Variants in PHRF1 observed in about 807,000 individuals in gnomAD.
PHRF1 encodes PHD and ring finger domains 1.
PHRF1 carries 53 observed loss-of-function variants against 128.9 expected under a neutral mutation model. The observed-to-expected ratio is 0.41, with a 90% confidence interval of 0.33 to 0.52. PHRF1 has a LOEUF of 0.52. Among genes scored for constraint, PHRF1 ranks in the 20% least tolerant of loss-of-function variants. The pLI is 0.21. For missense variants in PHRF1, 2,503 were observed against 2,284.5 expected (o/e 1.10, Z -1.95); for synonymous variants, 1,178 against 980.6 (o/e 1.20, Z -3.76).
chr11:581,941 G>T (rs754554497), intron 2 of PHRF1, 21 bp from the exon 3 acceptor site: 1 of 1,573,048 alleles, frequency 6.4e-7, no homozygotes, highest in Non-Finnish European at 8.6e-7. Flanking sequence ...CCTGCGGCCT[G>T]TGTCTCACCC....
At chr11:599,059 T>C (rs992937062) in intron 9 of PHRF1, among the ~76,000 whole-genome samples, 1 of 152,200 alleles carries the variant, frequency 6.6e-6, no homozygotes, top group African/African-American at 2.4e-5. Context: ...AGCCGTGGAC[T>C]GCACCTTGTC....
intron 6 of PHRF1, among the ~76,000 whole-genome samples, chr11:595,189 G>T (rs1855209400): frequency 6.6e-6 from 1 of 152,148 alleles, no homozygotes; most frequent in South Asian, 2.1e-4. Flanking sequence ...CGGGCGTGGT[G>T]GTTCACACCT....
intron 1 of PHRF1, among the ~76,000 whole-genome samples, chr11:581,051 C>T (rs556039027): frequency 5.9e-5 from 9 of 152,088 alleles, no homozygotes; most frequent in African/African-American, 7.2e-5. Context: ...CTCAAACTCC[C>T]GACCTCAGGT....
In PHRF1 at chr11:608,002, G is replaced by T. The variant is rs1288025457; in HGVS notation, c.2546G>T (p.Arg849Met). Residue 849 changes from arginine (R) to methionine (M), a missense_variant, in exon 14 of 18, where the codon AGG (arginine) becomes ATG (methionine). By Grantham distance (91) the Arg-to-Met change is moderately conservative. Transcript: ENST00000264555. The part of the protein sequence containing the change: ...DSSAPGSSPE[R>M]SGPGLLPSEI... The stretch of plus-strand genomic sequence containing the variant: ...AGCGCCCCTGGCAGCAGCCCCGAGA[G>T]GTCTGGCCCCGGCCTCCTGCCCTCT... 1 of 1,611,326 alleles carries T rather than the reference G, an allele frequency of 6.2e-7. No homozygotes were observed. Among genetic ancestry groups the T allele is most frequent in the South Asian group, 1.1e-5 (1 of 91,090 alleles).
chr11:576,692 C>A (rs1338332828), intron 1 of PHRF1, 100 bp downstream of exon 1: 45 of 146,364 alleles, frequency 3.1e-4, no homozygotes, highest in Non-Finnish European at 5.3e-4. Context: ...CACCGCGGGG[C>A]GAGGCCTGCG....
At chr11:606,810 C>T in intron 13 of PHRF1, 1 of 882,776 alleles carries the variant, frequency 1.1e-6, no homozygotes, top group Non-Finnish European at 1.7e-6. Context: ...TTCATAAGAA[C>T]ATGTCCTGAT....
intron 13 of PHRF1, 75 bp downstream of exon 13, chr11:606,671 A>G (rs1855967271): frequency 6.7e-6 from 10 of 1,496,376 alleles, no homozygotes; most frequent in Non-Finnish European, 8.9e-6. Context: ...CACTCAGCCC[A>G]TGTCTCAGTC....
chr11:610,186 G>A lies in PHRF1; in HGVS notation c.4265-10G>A, dbSNP rs1304932555. ...CAGAGCACCCACCTCCCTGTCTGTC[G>A]GGCCCCCAGGGGCACCACTTCACAG... is the stretch of plus-strand genomic sequence containing the variant. On this transcript the variant is annotated splice_polypyrimidine_tract_variant and intron_variant, in intron 14 of 17. Coordinates refer to ENST00000264555, the MANE Select transcript of PHRF1 (RefSeq NM_001286581.2). 2 of 1,496,284 alleles carry A rather than the reference G, an allele frequency of 1.3e-6. No homozygotes were observed. The highest frequency in any genetic ancestry group is 1.4e-5 in the African/African-American group (1 of 71,302). 92.7% of individuals were successfully genotyped at this position (1,496,284 alleles called of 1,614,324 possible).
chr11:601,306 G>C (rs958211806), intron 9 of PHRF1, among the ~76,000 whole-genome samples: 3 of 151,974 alleles, frequency 2.0e-5, no homozygotes, highest in Admixed American at 2.0e-4. Flanking sequence ...GTGCCTACCT[G>C]TAGTTCCAGC....
chr11:577,297 C>T (rs1238680481), intron 1 of PHRF1, among the ~76,000 whole-genome samples: 11 of 152,230 alleles, frequency 7.2e-5, no homozygotes, highest in Admixed American at 7.2e-4. Flanking sequence ...TCCTACCATG[C>T]TCCTTTTGAC....
In PHRF1 at chr11:609,557, G is replaced by A. The variant is rs754597696; in HGVS notation, c.4101G>A (p.Gly1367=). ...APSSPDVAPA[G]KEDSPSASGR... is the part of the protein sequence containing the mutation. ...GTTCCCCGGATGTGGCGCCTGCGGG[G>A]AAGGAAGACAGCCCCTCTGCGAGTG... The change falls in exon 14 of 18, where the codon GGG becomes GGA. Residue 1367 remains glycine (G), a synonymous_variant. Coordinates refer to ENST00000264555, the MANE Select transcript of PHRF1 (RefSeq NM_001286581.2). 2.5e-5 allele frequency: 40 copies of A among 1,599,522 alleles called. No homozygotes were observed. The Admixed American group carries it at 2.6e-4, about 10-fold the overall frequency.
Position 602,767 on chromosome 11 carries a change from TTTG to T in PHRF1, c.1152+1069_1152+1071del, listed in dbSNP as rs1473359474. On this transcript the variant is annotated intron_variant, in intron 10 of 17. Transcript: ENST00000264555. The stretch of plus-strand genomic sequence containing the variant: ...CTTTTTTGGTTTTGTTTTTGTTTTT[TTTG>T]TTTTTTTTTTTGAGATGGAGTCTCA... Among the ~76,000 whole-genome samples, 1,150 of 150,188 alleles carry T rather than the reference TTTG, an allele frequency of 7.7e-3. 14 individuals carry two copies. The highest frequency in any genetic ancestry group is 0.027 in the African/African-American group (1,084 of 40,000).
chr11:581,490 AGAGCT>A lies in PHRF1; in HGVS notation c.-17_-13del. 1.9e-6 allele frequency: 3 copies of A among 1,612,514 alleles called. No individual in the cohort carries two copies. Among genetic ancestry groups the A allele is most frequent in the Non-Finnish European group, 2.5e-6 (3 of 1,179,372 alleles). On this transcript the variant is annotated splice_acceptor_variant and 5_prime_UTR_variant, in exon 2 of 18. Transcript: ENST00000264555. LOFTEE classifies it low-confidence loss of function (5UTR_SPLICE). The stretch of plus-strand genomic sequence containing the variant: ...AAGTTGCTTGGCTCTTCTTTCTTTC[AGAGCT>A]GAGCTCAATGTGCAGCAATGGATGA...
At position 592,803 on chromosome 11, in the gene PHRF1, C is replaced by T. The variant is rs1855059292; in HGVS notation, c.620+129C>T. ...CACCTGGAGCTGTGCTCACCACCCT[C>T]AGCAGCGCGGTTCAGTCCTGCGGGC... is the stretch of plus-strand genomic sequence containing the variant. On this transcript the variant is annotated intron_variant, in intron 6 of 17. Transcript: ENST00000264555. 21 of 997,216 alleles carry T rather than the reference C, an allele frequency of 2.1e-5. No individual in the cohort carries two copies. The Admixed American group carries it at 3.1e-4, about 15-fold the overall frequency. The allele number at this position is 997,216 out of a possible 1,614,324, so 61.8% of individuals were successfully genotyped here. A position where few individuals can be genotyped will look rare whatever the true frequency, so the allele number is the denominator to read the frequency against.
Position 596,985 on chromosome 11 carries a change from C to T in PHRF1, c.683C>T (p.Pro228Leu), listed in dbSNP as rs375286479. 72 of 1,613,710 alleles carry T rather than the reference C, an allele frequency of 4.5e-5. No homozygotes were observed. Among genetic ancestry groups the T allele is most frequent in the Middle Eastern group, 1.6e-4 (1 of 6,084 alleles). Residue 228 changes from proline to leucine, a missense_variant, in exon 7 of 18, where the codon CCG becomes CTG. Coordinates refer to ENST00000264555, the MANE Select transcript of PHRF1 (RefSeq NM_001286581.2). ...GTGCCGGTGGACGAGTGGTTCTGCCCGGAATGTGCTGCGCCTGGTGTTGTC... is the reference window on the plus strand; with the variant it reads ...GTGCCGGTGGACGAGTGGTTCTGCCTGGAATGTGCTGCGCCTGGTGTTGTC... ...QEVPVDEWFC[P>L]ECAAPGVVLA...
chr11:606,877 C>CT, intron 13 of PHRF1, 189 bp from the exon 14 acceptor site: 1 of 1,052,394 alleles, frequency 9.5e-7, no homozygotes, highest in Non-Finnish European at 1.3e-6. Flanking sequence ...AGGCACTGTA[C>CT]TTTGTCATCC....
At chr11:606,770 C>T (rs72844713) in intron 13 of PHRF1, 174 bp downstream of exon 13, 68,996 of 1,025,182 alleles carry the variant, frequency 0.067, 2,660 homozygotes, top group Middle Eastern at 0.096. Context: ...CAGTTAGCTC[C>T]GAGTTCTTAC....
In PHRF1 at chr11:607,058, T is replaced by A; in HGVS notation, c.1610-8T>A. On this transcript the variant is annotated splice_region_variant and splice_polypyrimidine_tract_variant and intron_variant, in intron 13 of 17. Coordinates refer to ENST00000264555, the MANE Select transcript of PHRF1 (RefSeq NM_001286581.2). ...GAAATGATTGCCATTGACTTTTTTG[T>A]TTTTTAGCTCCAGTTTCTTTTCAGC... is the stretch of plus-strand genomic sequence containing the variant. 1 of 1,547,548 alleles carries A rather than the reference T, an allele frequency of 6.5e-7. No individual in the cohort carries two copies. The highest frequency in any genetic ancestry group is 8.7e-7 in the Non-Finnish European group (1 of 1,146,596).
At chr11:600,231 A>T (rs930942878) in intron 9 of PHRF1, among the ~76,000 whole-genome samples, 2 of 150,552 alleles carry the variant, frequency 1.3e-5, no homozygotes, top group African/African-American at 4.9e-5. Flanking sequence ...TCTCTCCCCG[A>T]TAGGAACACA....
Sources: allele counts gnomAD v4.1 joint callset (sites outside exome capture counted in the v4.1 genomes callset), GRCh38; gene constraint gnomAD v4.1.1; transcripts MANE v1.5; gene names NCBI Gene and HGNC (gene_info 2026-07-23, HGNC 2026-07-21).